PTAFR: variants seen among roughly 807,000 people sequenced by gnomAD.
The protein encoded by PTAFR is platelet-activating factor receptor.
A neutral mutation model predicts 14.7 loss-of-function variants in PTAFR; 8 were observed. That is an observed-to-expected ratio of 0.54 (90% CI 0.32 to 0.98). The LOEUF is 0.98. Ranked by LOEUF, PTAFR falls within the 50% of genes least tolerant of loss-of-function variation. PTAFR has a pLI of 0.04. For synonymous variants in PTAFR, 156 were observed against 176.5 expected (o/e 0.88, Z 0.92); for missense variants, 337 against 451.2 (o/e 0.75, Z 2.29).
At chr1:28,161,256 C>T (rs1055708431) in intron 1 of PTAFR, among the ~76,000 whole-genome samples, 5 of 152,152 alleles carry the variant, frequency 3.3e-5, no homozygotes, top group Non-Finnish European at 7.3e-5. Context: ...TATGTGACCT[C>T]TCTGCCAACC....
At chr1:28,191,551 T>C (rs1396129930) in intron 1 of PTAFR, among the ~76,000 whole-genome samples, 3 of 149,704 alleles carry the variant, frequency 2.0e-5, no homozygotes, top group Non-Finnish European at 3.0e-5. Flanking sequence ...CTGAGCAACA[T>C]AGCGAAACCT....
At chr1:28,185,379 A>G (rs1646597800) in intron 1 of PTAFR, among the ~76,000 whole-genome samples, 2 of 152,202 alleles carry the variant, frequency 1.3e-5, no homozygotes, top group South Asian at 4.1e-4. Context: ...GTCCTGCACA[A>G]CTATTATAAA....
In PTAFR at chr1:28,150,576, G is replaced by T. The variant is rs1401730384; in HGVS notation, c.446C>A (p.Ala149Glu). 1 of 1,614,210 alleles carries T rather than the reference G, an allele frequency of 6.2e-7. No homozygotes were observed. The stretch of plus-strand genomic sequence containing the variant: ...GGAGTCCAGGATGAGGAAGTAGGAT[G>T]CAGCTCCCACAATGGCCACCCAGAT... ...LVIWVAIVGA[A>E]SYFLILDSTN... is the part of the protein sequence containing the mutation. Residue 149 changes from alanine to glutamate, a missense_variant, in exon 2 of 2, where the codon GCA (alanine) becomes GAA (glutamate). Ala to Glu is a moderately radical substitution (Grantham distance 107, BLOSUM62 -1). Coordinates refer to ENST00000373857, the MANE Select transcript of PTAFR (RefSeq NM_000952.5). This position sits in a 1 kb window ranked among gnomAD's most constrained non-coding sequence, Gnocchi z 6.3.
intron 1 of PTAFR, among the ~76,000 whole-genome samples, chr1:28,156,382 G>A (rs1244459827): frequency 6.6e-6 from 1 of 152,124 alleles, no homozygotes; most frequent in Non-Finnish European, 1.5e-5. Context: ...TATCACAGCA[G>A]CCTAAGTGCA....
chr1:28,161,247 A>G (rs1444276929), intron 1 of PTAFR, among the ~76,000 whole-genome samples: 2 of 152,136 alleles, frequency 1.3e-5, no homozygotes, highest in African/African-American at 4.8e-5. Flanking sequence ...AATTGCCTCT[A>G]TGTGACCTCT....
At chr1:28,189,330 G>A (rs1646632364) in intron 1 of PTAFR, among the ~76,000 whole-genome samples, 1 of 152,018 alleles carries the variant, frequency 6.6e-6, no homozygotes, top group African/African-American at 2.4e-5. Context: ...TAAACATAAT[G>A]CGGCCGGGCA....
At chr1:28,181,779 C>T (rs1324612372) in intron 1 of PTAFR, among the ~76,000 whole-genome samples, 1 of 151,254 alleles carries the variant, frequency 6.6e-6, no homozygotes, top group Admixed American at 6.6e-5. Flanking sequence ...AAATTCTAAA[C>T]AAGAAAAAAA....
chr1:28,168,795 A>G (rs1475910816), intron 1 of PTAFR, among the ~76,000 whole-genome samples: 1 of 152,050 alleles, frequency 6.6e-6, no homozygotes, highest in African/African-American at 2.4e-5. Flanking sequence ...CAGCCTCCCG[A>G]GTAGCTGGGA....
chr1:28,149,936 C>T lies in PTAFR; in HGVS notation c.*57G>A. 1 of 1,556,180 alleles carries T rather than the reference C, an allele frequency of 6.4e-7. No individual in the cohort carries two copies. The highest frequency in any genetic ancestry group is 8.7e-7 in the Non-Finnish European group (1 of 1,147,858). ...AGACCACAGTAGATATCCCTTCTTC[C>T]CCCAGCTCAGTCCATGATGTTCATG... On this transcript the variant is annotated 3_prime_UTR_variant, in exon 2 of 2. Transcript: ENST00000373857.
In PTAFR at chr1:28,149,516, G is replaced by C. The variant is rs1329837563; in HGVS notation, c.*477C>G. ...GCCCGGCTAATTTTTGTATGTTTTAGTAGAGATGGGGTTTTACAATGTTGG... is the reference window on the plus strand; with the variant it reads ...GCCCGGCTAATTTTTGTATGTTTTACTAGAGATGGGGTTTTACAATGTTGG... On this transcript the variant is annotated 3_prime_UTR_variant, in exon 2 of 2. Transcript: ENST00000373857. 1 of 160,548 alleles carries C rather than the reference G, an allele frequency of 6.2e-6. No individual in the cohort carries two copies. Among genetic ancestry groups the C allele is most frequent in the East Asian group, 1.8e-4 (1 of 5,498 alleles). The allele number at this position is 160,548 out of a possible 1,614,324, so 9.9% of individuals were successfully genotyped here.
rs1165813776 is a variant in PTAFR at position 28,184,082 on chromosome 1, GTTTTTTTTTTTT to G, written c.-39+9628_-39+9639del. ...TCCATACTCACGTCCCCATTAGTCTGTTTTTTTTTTTTTTTTTTTTTTTTTTTTGAGCTGGAG... is the reference window on the plus strand; with the variant it reads ...TCCATACTCACGTCCCCATTAGTCTGTTTTTTTTTTTTTTTTGAGCTGGAG... On this transcript the variant is annotated intron_variant, in intron 1 of 1. Coordinates refer to the PTAFR transcript ENST00000305392. 0.015 allele frequency among the ~76,000 whole-genome samples: 1,218 copies of G among 82,382 alleles called. 122 individuals are homozygous for G. The East Asian group carries it at 0.28, about 19-fold the overall frequency. 54.0% of individuals were successfully genotyped at this position (82,382 alleles called of 152,430 possible). A position where few individuals can be genotyped will look rare whatever the true frequency, so the allele number is the denominator to read the frequency against.
upstream of PTAFR, among the ~76,000 whole-genome samples, chr1:28,181,415 A>G (rs1163092229): frequency 1.3e-5 from 2 of 152,174 alleles, no homozygotes; most frequent in Non-Finnish European, 2.9e-5. Context: ...AACGCACATG[A>G]TAAGAAACAT....
chr1:28,185,713 C>T (rs899497700), intron 1 of PTAFR, among the ~76,000 whole-genome samples: 23 of 151,972 alleles, frequency 1.5e-4, no homozygotes, highest in African/African-American at 4.6e-4. Context: ...AAAAAGGTTA[C>T]GAAGATTGGG....
intron 1 of PTAFR, chr1:28,193,573 T>G (rs1646674177): frequency 6.5e-6 from 1 of 153,690 alleles, no homozygotes. Flanking sequence ...ACGGGCCATG[T>G]GTCCTTGAGG....
At chr1:28,183,033 G>T (rs189027125) in intron 1 of PTAFR, among the ~76,000 whole-genome samples, 2 of 151,304 alleles carry the variant, frequency 1.3e-5, no homozygotes, top group Non-Finnish European at 3.0e-5. Flanking sequence ...GTTTTTTAAA[G>T]AAATTCAATT....
chr1:28,187,054 G>A (rs1480291177), intron 1 of PTAFR, among the ~76,000 whole-genome samples: 1 of 152,194 alleles, frequency 6.6e-6, no homozygotes, highest in Non-Finnish European at 1.5e-5. Context: ...GCCTCCCAAA[G>A]TTCTGGGATT....
rs1454545143 is a variant in PTAFR at position 28,149,273 on chromosome 1, T to A, written c.*720A>T. On this transcript the variant is annotated 3_prime_UTR_variant, in exon 2 of 2. Transcript: ENST00000373857. ...AGGTAGTGCCATACAGTGAGGGCAGTGTCCTTTCCTAACCCAGTCTACCTC... is the reference window on the plus strand; with the variant it reads ...AGGTAGTGCCATACAGTGAGGGCAGAGTCCTTTCCTAACCCAGTCTACCTC... The A allele has an allele frequency of 6.7e-6, 1 of 149,814 alleles. No homozygotes were observed. The highest frequency in any genetic ancestry group is 1.5e-5 in the Non-Finnish European group (1 of 67,678). 9.3% of individuals were successfully genotyped at this position (149,814 alleles called of 1,614,324 possible).
intron 1 of PTAFR, among the ~76,000 whole-genome samples, chr1:28,174,548 G>A (rs1166515588): frequency 6.6e-6 from 1 of 152,144 alleles, no homozygotes; most frequent in African/African-American, 2.4e-5. Flanking sequence ...GACCAGATGG[G>A]GAAACTGAGG....
At chr1:28,157,716 C>G (rs1329574587) in intron 1 of PTAFR, among the ~76,000 whole-genome samples, 2 of 151,570 alleles carry the variant, frequency 1.3e-5, no homozygotes, top group Non-Finnish European at 2.9e-5. Context: ...GCAAGCTCCG[C>G]CTCCTGGGTT....
Sources: gnomAD v4.1 joint callset for allele counts (sites outside exome capture counted in the v4.1 genomes callset) on GRCh38, gnomAD v4.1.1 for gene constraint, Gnocchi (gnomAD v3.1) non-coding constraint, MANE v1.5 for transcripts, NCBI Gene and HGNC (gene_info 2026-07-23, HGNC 2026-07-21) for gene names.